The following ZNF90 variants were observed in gnomAD, a reference collection of about 807,000 sequenced individuals.
ZNF90 encodes zinc finger protein 90.
In ZNF90, 11 loss-of-function variants were observed where a neutral mutation model predicts 12.0. The observed-to-expected ratio is 0.92, with a 90% CI of 0.58 to 1.52. ZNF90 has a LOEUF of 1.52. Among genes scored for constraint, ZNF90 ranks in the 40% most tolerant of loss-of-function variants. The pLI, the probability that ZNF90 is intolerant of heterozygous loss-of-function variation, is 0.00. For missense variants in ZNF90, 765 were observed against 711.5 expected (o/e 1.08, Z -0.86); for synonymous variants, 232 against 240.1 (o/e 0.97, Z 0.31).
Position 20,120,417 on chromosome 19 carries a change from G to A in ZNF90, c.*1057G>A, listed in dbSNP as rs1389988568. Among the ~76,000 whole-genome samples, 1 of 152,078 alleles carries A rather than the reference G, an allele frequency of 6.6e-6. No homozygotes were observed. Among genetic ancestry groups the A allele is most frequent in the Non-Finnish European group, 1.5e-5 (1 of 68,024 alleles). ...TCACAGATTTCATTGCACACATTTT[G>A]TACTAGAGGAAAACCCTGAAGCAGT... On this transcript the variant is annotated 3_prime_UTR_variant, in exon 4 of 4. Transcript: ENST00000418063.
chr19:20,107,111 C>A, intron 3 of ZNF90: 1 of 417,328 alleles, frequency 2.4e-6, no homozygotes, highest in South Asian at 1.7e-5. Flanking sequence ...TCTATGTGGG[C>A]AGAATTGGCC....
In ZNF90 at chr19:20,090,807, G is replaced by A. The variant is rs533813647; in HGVS notation, c.3+12672G>A. Among the ~76,000 whole-genome samples the A allele has an allele frequency of 5.9e-5, 9 of 152,310 alleles. No homozygotes were observed. In the East Asian group the frequency reaches 1.7e-3, roughly 29 times the overall value. On this transcript the variant is annotated intron_variant, in intron 1 of 3. Coordinates refer to ENST00000418063, the MANE Select transcript of ZNF90 (RefSeq NM_007138.2). ...GGACTGTACCCTGTAGCATCTCGAG[G>A]ACAGGCTCTGATTCTGAGAAGAGCA...
chr19:20,101,850 C>T (rs961555567), intron 1 of ZNF90, among the ~76,000 whole-genome samples: 4 of 152,158 alleles, frequency 2.6e-5, no homozygotes, highest in Non-Finnish European at 5.9e-5. Context: ...ATGCATTTAG[C>T]ACTCAGAAAA....
intron 1 of ZNF90, among the ~76,000 whole-genome samples, chr19:20,086,232 C>CTTTTTTTTTTTTTT (rs59433953): frequency 2.0e-5 from 2 of 99,808 alleles, no homozygotes; most frequent in African/African-American, 3.9e-5. Context: ...ATTTTCTTTT[C>CTTTTTTTTTTTTTT]TTTTTTTTTT....
rs950997674 is a variant in ZNF90, at chr19:20,081,989, C to A, written c.3+3854C>A. Among the ~76,000 whole-genome samples, 7 of 151,982 alleles carry A rather than the reference C, an allele frequency of 4.6e-5. No individual in the cohort carries two copies. In the East Asian group the frequency reaches 1.4e-3, roughly 30 times the overall value. On this transcript the variant is annotated intron_variant, in intron 1 of 3. Transcript: ENST00000418063. Reference sequence around the variant, plus strand: ...CCATGTTAGCCAGGAGGGTCTCGATCTCCTGACCTCGTGATCCACCCGCCT... The same window carrying A: ...CCATGTTAGCCAGGAGGGTCTCGATATCCTGACCTCGTGATCCACCCGCCT...
At chr19:20,117,222 T>A (rs1331066623) in intron 3 of ZNF90, among the ~76,000 whole-genome samples, 1 of 151,896 alleles carries the variant, frequency 6.6e-6, no homozygotes, top group Non-Finnish European at 1.5e-5. Flanking sequence ...TTTTGTATTT[T>A]TAGTACAGAT....
intron 1 of ZNF90, among the ~76,000 whole-genome samples, chr19:20,091,239 T>G (rs2088900449): frequency 6.6e-6 from 1 of 151,996 alleles, no homozygotes; most frequent in Non-Finnish European, 1.5e-5. Flanking sequence ...GCTTGATGTG[T>G]AGGGAAGGGA....
chr19:20,083,308 T>G (rs918215027), intron 1 of ZNF90, among the ~76,000 whole-genome samples: 2 of 152,028 alleles, frequency 1.3e-5, no homozygotes, highest in African/African-American at 4.8e-5. Context: ...CCTTTAGCAT[T>G]AGTTTTCTTT....
chr19:20,104,556 T>A (rs1298657061), intron 2 of ZNF90, among the ~76,000 whole-genome samples, 191 bp downstream of exon 2: 3 of 152,232 alleles, frequency 2.0e-5, no homozygotes, highest in Non-Finnish European at 4.4e-5. Flanking sequence ...AACTTTCCAC[T>A]TTCCTGAGAT....
intron 3 of ZNF90, chr19:20,106,955 AT>A: frequency 2.3e-6 from 1 of 441,950 alleles, no homozygotes; most frequent in Admixed American, 2.4e-5. Context: ...CAGGCTGAAT[AT>A]CCTTCAGGAC....
chr19:20,086,405 A>G (rs2088860323), intron 1 of ZNF90, among the ~76,000 whole-genome samples: 1 of 151,216 alleles, frequency 6.6e-6, no homozygotes, highest in Non-Finnish European at 1.5e-5. Flanking sequence ...TGTCTAAATT[A>G]TTGTATTTAT....
At chr19:20,113,719 T>C (rs1186244554) in intron 3 of ZNF90, among the ~76,000 whole-genome samples, 1 of 151,892 alleles carries the variant, frequency 6.6e-6, no homozygotes. Flanking sequence ...TCCCAGCTAC[T>C]AGGGAGGCTG....
Position 20,105,228 on chromosome 19 carries a change from T to C in ZNF90, c.138T>C (p.Val46=). Residue 46 remains valine, a synonymous_variant, in exon 3 of 4, where the codon GTT becomes GTC. Transcript: ENST00000418063. ...NYRHLVFLGI[V]VTKPDLITCL... is the part of the protein sequence containing the mutation. ...TTATTTTTAATAAAACAGGTATTGT[T>C]GTCACTAAGCCAGACCTGATCACCT... 1 of 1,599,700 alleles carries C rather than the reference T, an allele frequency of 6.3e-7. No individual in the cohort carries two copies. Among genetic ancestry groups the C allele is most frequent in the African/African-American group, 1.3e-5 (1 of 74,298 alleles).
rs200108585 is a variant in ZNF90, at chr19:20,119,104, C to G, written c.1550C>G (p.Ala517Gly). ...NPYKCEECGKAFKRSSVLSKH... is the reference protein window; with the variant it reads ...NPYKCEECGKGFKRSSVLSKH... ...TACAAATGTGAAGAATGTGGCAAAG[C>G]CTTCAAGCGCTCCTCAGTCCTTAGT... is the stretch of plus-strand genomic sequence containing the variant. The change falls in exon 4 of 4, where the codon GCC becomes GGC. Residue 517 changes from alanine (A) to glycine (G), a missense_variant. Ala to Gly is a moderately conservative substitution (Grantham distance 60). Transcript: ENST00000418063. 1.0e-3 allele frequency: 1,627 copies of G among 1,612,720 alleles called. 1 individual carries two copies. Among genetic ancestry groups the G allele is most frequent in the Middle Eastern group, 1.5e-3 (9 of 6,060 alleles).
chr19:20,113,793 A>C (rs1266472551), intron 3 of ZNF90, among the ~76,000 whole-genome samples: 1 of 151,978 alleles, frequency 6.6e-6, no homozygotes, highest in Non-Finnish European at 1.5e-5. Flanking sequence ...GCGCCACTGC[A>C]CTCCAGCCTG....
chr19:20,096,278 A>G (rs2122495068), intron 1 of ZNF90, among the ~76,000 whole-genome samples: 1 of 152,334 alleles, frequency 6.6e-6, no homozygotes, highest in East Asian at 1.9e-4. Context: ...CAAAGAACAG[A>G]GGACAGGGGA....
At chr19:20,108,291 G>T (rs561163353) in intron 3 of ZNF90, among the ~76,000 whole-genome samples, 1 of 152,202 alleles carries the variant, frequency 6.6e-6, no homozygotes, top group South Asian at 2.1e-4. Context: ...GTTAAATATT[G>T]CAGTTACTTA....
intron 1 of ZNF90, among the ~76,000 whole-genome samples, chr19:20,082,631 G>A (rs1487088833): frequency 1.3e-5 from 2 of 152,072 alleles, no homozygotes. Context: ...ACAAAACACT[G>A]TGGAAGGCCG....
chr19:20,096,418 G>A (rs1286082965), intron 1 of ZNF90, among the ~76,000 whole-genome samples: 1 of 152,138 alleles, frequency 6.6e-6, no homozygotes, highest in Admixed American at 6.5e-5. Flanking sequence ...CAGGTGGGCT[G>A]ATTCCGAAAA....
Sources: gnomAD v4.1 joint callset for allele counts (sites outside exome capture counted in the v4.1 genomes callset) on GRCh38, gnomAD v4.1.1 for gene constraint, MANE v1.5 for transcripts, NCBI Gene and HGNC (gene_info 2026-07-23, HGNC 2026-07-21) for gene names.